The following LRIF1 variants were observed in gnomAD, a reference collection of about 807,000 sequenced individuals.
LRIF1 encodes ligand-dependent nuclear receptor-interacting factor 1.
LRIF1 carries 32 observed loss-of-function variants against 52.7 expected under a neutral mutation model. That is an observed-to-expected ratio of 0.61 (90% confidence interval 0.46 to 0.82). The LOEUF (loss-of-function observed/expected upper bound fraction) is 0.82. Ranked by LOEUF, LRIF1 falls within the 40% of genes least tolerant of loss-of-function variation. The pLI, the probability that LRIF1 is intolerant of heterozygous loss-of-function variation, is 0.00. For missense variants in LRIF1, 887 were observed against 892.0 expected, an observed-to-expected ratio of 0.99 and a Z score of 0.07; for synonymous variants, 323 against 317.4, an observed-to-expected ratio of 1.02 and a Z score of -0.19.
the LRIF1 span, among the ~76,000 whole-genome samples, chr1:110,921,545 G>T: frequency 6.6e-6 from 1 of 152,016 alleles, no homozygotes; most frequent in Non-Finnish European, 1.5e-5. Flanking sequence ...CAAAATAATA[G>T]TTTAAGGAAA....
chr1:110,913,406 A>G, the LRIF1 span, among the ~76,000 whole-genome samples: 1 of 152,170 alleles, frequency 6.6e-6, no homozygotes, highest in Non-Finnish European at 1.5e-5. Context: ...TGCAAACTAT[A>G]CATCTGACAA....
the LRIF1 span, among the ~76,000 whole-genome samples, chr1:110,896,484 T>C: frequency 6.6e-6 from 1 of 152,290 alleles, no homozygotes; most frequent in African/African-American, 2.4e-5. Context: ...AATGAAATGG[T>C]ATAACAGATT....
chr1:110,928,505 G>A, the LRIF1 span, among the ~76,000 whole-genome samples: 1 of 152,136 alleles, frequency 6.6e-6, no homozygotes, highest in African/African-American at 2.4e-5. Context: ...ACAGTCAAAT[G>A]TCTCTCCCTT....
At chr1:110,949,210 C>T (rs1658349052) in intron 3 of LRIF1, among the ~76,000 whole-genome samples, 1 of 151,836 alleles carries the variant, frequency 6.6e-6, no homozygotes, top group South Asian at 2.1e-4. Context: ...CTCTGCCTTC[C>T]GGGTTCAAGC....
Position 110,949,836 on chromosome 1 carries a change from A to G in LRIF1, c.1869+15T>C. 6.2e-7 allele frequency: 1 copy of G among 1,609,224 alleles called. No homozygotes were observed. The highest frequency in any genetic ancestry group is 8.5e-7 in the Non-Finnish European group (1 of 1,177,346). On this transcript the variant is annotated intron_variant, in intron 3 of 3. Coordinates refer to ENST00000369763, the MANE Select transcript of LRIF1 (RefSeq NM_018372.4). ...TGTAGTACCTATGAAGAGCACATTAAAATGTATTACCTACCTGTTTTCTCT... is the reference window on the plus strand; with the variant it reads ...TGTAGTACCTATGAAGAGCACATTAGAATGTATTACCTACCTGTTTTCTCT...
the LRIF1 span, among the ~76,000 whole-genome samples, chr1:110,877,633 C>A: frequency 6.6e-6 from 1 of 152,154 alleles, no homozygotes; most frequent in Non-Finnish European, 1.5e-5. Flanking sequence ...TTTTCTTCTT[C>A]CTTATTTCTC....
the LRIF1 span, among the ~76,000 whole-genome samples, chr1:110,921,277 T>C: frequency 6.6e-6 from 1 of 151,838 alleles, no homozygotes; most frequent in Non-Finnish European, 1.5e-5. Context: ...AGTGCAGAAA[T>C]AGTATGAATA....
the LRIF1 span, among the ~76,000 whole-genome samples, chr1:110,927,649 A>G: frequency 6.6e-6 from 1 of 152,182 alleles, no homozygotes; most frequent in Middle Eastern, 3.2e-3. Flanking sequence ...ATGAGTCAGT[A>G]GATCAGAGAC....
At chr1:110,881,184 C>T in the LRIF1 span, among the ~76,000 whole-genome samples, 5 of 152,248 alleles carry the variant, frequency 3.3e-5, no homozygotes, top group African/African-American at 1.2e-4. Flanking sequence ...GCATCACTCA[C>T]CACAGATTGT....
Position 110,947,751 on chromosome 1 carries a change from TA to T in LRIF1, c.*207del. The T allele has an allele frequency of 2.1e-6, 1 of 470,326 alleles. No homozygotes were observed. The highest frequency in any genetic ancestry group is 3.4e-6 in the Non-Finnish European group (1 of 290,846). 29.1% of individuals were successfully genotyped at this position (470,326 alleles called of 1,614,324 possible). ...ATTTATCCTTCCAAAAAAAGGTATC[TA>T]AGACAAAGGTATAGATACCCCATGT... On this transcript the variant is annotated 3_prime_UTR_variant, in exon 4 of 4. Transcript: ENST00000369763.
At chr1:110,898,487 T>G in the LRIF1 span, among the ~76,000 whole-genome samples, 1 of 152,010 alleles carries the variant, frequency 6.6e-6, no homozygotes, top group African/African-American at 2.4e-5. Context: ...AGAATCCCAC[T>G]GTGATCCCTC....
chr1:110,923,255 G>A, the LRIF1 span, among the ~76,000 whole-genome samples: 2 of 152,138 alleles, frequency 1.3e-5, no homozygotes, highest in African/African-American at 4.8e-5. Flanking sequence ...AGCCGAGATC[G>A]CACCACTGCA....
the LRIF1 span, among the ~76,000 whole-genome samples, chr1:110,887,306 C>T: frequency 1.3e-5 from 2 of 152,096 alleles, no homozygotes; most frequent in Non-Finnish European, 2.9e-5. Context: ...CCTTGTGATC[C>T]GCCCGCCTCG....
intron 1 of LRIF1, among the ~76,000 whole-genome samples, chr1:110,957,324 T>G (rs1570947095): frequency 8.3e-6 from 1 of 120,982 alleles, no homozygotes; most frequent in African/African-American, 3.5e-5. Context: ...AAAAAAAAAA[T>G]TAGCCGGGCG....
chr1:110,904,557 A>G, the LRIF1 span, among the ~76,000 whole-genome samples: 1 of 152,238 alleles, frequency 6.6e-6, no homozygotes, highest in Non-Finnish European at 1.5e-5. Context: ...TACTTCTATG[A>G]GTCCATAAGA....
chr1:110,945,388 C>T (rs1275930906), downstream of LRIF1, among the ~76,000 whole-genome samples: 3 of 151,842 alleles, frequency 2.0e-5, no homozygotes, highest in African/African-American at 7.3e-5. Flanking sequence ...CCTTCCCTCC[C>T]CCTCTTCCTT....
the LRIF1 span, among the ~76,000 whole-genome samples, chr1:110,907,504 CT>C: frequency 6.6e-6 from 1 of 152,068 alleles, no homozygotes; most frequent in Non-Finnish European, 1.5e-5. Context: ...AATCCCAGCA[CT>C]TTGGGAGGCC....
chr1:110,961,075 G>C (rs1212879087), intron 1 of LRIF1, among the ~76,000 whole-genome samples: 1 of 152,156 alleles, frequency 6.6e-6, no homozygotes, highest in Non-Finnish European at 1.5e-5. Flanking sequence ...TTATTTACCA[G>C]TTCTCTGCAT....
chr1:110,905,806 C>A, the LRIF1 span, among the ~76,000 whole-genome samples: 1 of 152,084 alleles, frequency 6.6e-6, no homozygotes, highest in East Asian at 1.9e-4. Flanking sequence ...AATAATAAAT[C>A]AAAAATAATA....
Sources: gnomAD v4.1 joint callset for allele counts (sites outside exome capture counted in the v4.1 genomes callset) on GRCh38, gnomAD v4.1.1 for gene constraint, MANE v1.5 for transcripts, NCBI Gene and HGNC (gene_info 2026-07-23, HGNC 2026-07-21) for gene names.